SF1: variants seen among roughly 807,000 people sequenced by gnomAD.
SF1 encodes the protein splicing factor 1.
A neutral mutation model predicts 62.5 loss-of-function variants in SF1; 7 were observed. The observed-to-expected ratio is 0.11, with a 90% CI of 0.06 to 0.21. The LOEUF is 0.21. Among genes scored for constraint, SF1 ranks in the 10% least tolerant of loss-of-function variants. The pLI is 1.00. For missense variants in SF1, 578 were observed against 884.0 expected (o/e 0.65, Z 4.39); for synonymous variants, 394 against 323.6 (o/e 1.22, Z -2.33).
Position 64,778,522 on chromosome 11 carries a change from C to G in SF1, c.-130G>C. Reference sequence around the variant, plus strand: ...GGAGCCCGTCCTCTCACGCGGCGGGCGGCGGCGGCGCGAGACGCACAAAGA... The same window carrying G: ...GGAGCCCGTCCTCTCACGCGGCGGGGGGCGGCGGCGCGAGACGCACAAAGA... On this transcript the variant is annotated 5_prime_UTR_variant, in exon 1 of 13. Transcript: ENST00000377390. The G allele has an allele frequency of 8.8e-7, 1 of 1,136,048 alleles. No individual in the cohort carries two copies. The highest frequency in any genetic ancestry group is 4.3e-5 in the South Asian group (1 of 23,234). 70.4% of individuals were successfully genotyped at this position (1,136,048 alleles called of 1,614,324 possible). A position where few individuals can be genotyped will look rare whatever the true frequency, so the allele number is the denominator to read the frequency against.
intron 8 of SF1, 68 bp downstream of exon 8, chr11:64,768,954 T>C: frequency 9.9e-7 from 1 of 1,007,032 alleles, no homozygotes; most frequent in South Asian, 1.3e-5. Context: ...CAGCAACCAA[T>C]GAATGTGCCA....
chr11:64,765,875 C>G lies in SF1; in HGVS notation c.1863G>C (p.Ala621=), dbSNP rs748368326. The change falls in exon 13 of 13, where the codon GCG becomes GCC. Residue 621 remains alanine, a synonymous_variant. Transcript: ENST00000377390. ...NFVTMMGMGV[A]GMPPFGMPPA... ...GAGGCATCCCGAAGGGCGGCATGCC[C>G]GCCACCCCCATGCCCATCATGGTGA... The G allele has an allele frequency of 1.5e-5, 24 of 1,563,516 alleles. No individual in the cohort carries two copies. The South Asian group carries it at 2.8e-4, about 18-fold the overall frequency.
chr11:64,769,582 C>T lies in SF1; in HGVS notation c.507G>A (p.Lys169=). Residue 169 remains lysine (K), a synonymous_variant, in exon 6 of 13, where the codon AAG becomes AAA. Coordinates refer to ENST00000377390, the MANE Select transcript of SF1 (RefSeq NM_004630.4). The part of the protein sequence containing the change: ...PRGNTLKNIE[K]ECNAKIMIRG... ...GGATCATAATCTTGGCATTGCACTC[C>T]TTCTCTATGTTCTTCAGGGTGTTCC... 1.2e-6 allele frequency: 2 copies of T among 1,614,082 alleles called. No individual in the cohort carries two copies. The highest frequency in any genetic ancestry group is 1.1e-5 in the South Asian group (1 of 91,072).
intron 12 of SF1, 110 bp from the exon 13 acceptor site, chr11:64,766,265 G>A (rs916255247): frequency 6.7e-6 from 4 of 595,868 alleles, no homozygotes; most frequent in East Asian, 5.9e-5. Flanking sequence ...CTTGGCATGC[G>A]GTACGGTGGT....
chr11:64,766,268 A>C (rs975601893), intron 12 of SF1, 113 bp from the exon 13 acceptor site: 37 of 6,712 alleles, frequency 5.5e-3, no homozygotes, highest in African/African-American at 0.028. Flanking sequence ...GGCATGCGGT[A>C]CGGTGGTGGG....
In SF1 at chr11:64,765,437, C is replaced by T. The variant is rs1250475574; in HGVS notation, c.*381G>A. The T allele has an allele frequency of 3.1e-6, 5 of 1,589,554 alleles. No homozygotes were observed. The highest frequency in any genetic ancestry group is 1.7e-5 in the Admixed American group (1 of 59,942). ...CTGTCCACCAGGGGCGTTGCTGAGG[C>T]TGTCTGCCTGGAAGGGTCACCAATG... On this transcript the variant is annotated 3_prime_UTR_variant, in exon 13 of 13. Transcript: ENST00000377390.
At chr11:64,777,891 C>CCTGCCGCGTGCAGCCGCCGTCGCCG in intron 1 of SF1, 1 of 939,166 alleles carries the variant, frequency 1.1e-6, no homozygotes, top group South Asian at 4.8e-5. Context: ...CACGCGCGCC[C>CCTGCCGCGTGCAGCCGCCGTCGCCG]CTGCCGCGTG....
chr11:64,777,893 T>TGCCGCGTGCAGCCGCCGTCGCC, intron 1 of SF1: 1 of 935,026 alleles, frequency 1.1e-6, no homozygotes, highest in Non-Finnish European at 1.3e-6. Context: ...CGCGCGCCCC[T>TGCCGCGTGCAGCCGCCGTCGCC]GCCGCGTGCA....
Position 64,767,719 on chromosome 11 carries a change from T to A in SF1, c.1194A>T (p.Pro398=). The A allele has an allele frequency of 1.9e-6, 3 of 1,612,604 alleles. No individual in the cohort carries two copies. Among genetic ancestry groups the A allele is most frequent in the Non-Finnish European group, 1.7e-6 (2 of 1,179,384 alleles). ...GGPGGGPHSF[P]HPLPSLTGGH... ...CACCTGTCAGGCTGGGTAATGGGTG[T>A]GGGAAGCTGTGGGGGCCACCTCCGG... Residue 398 remains proline, a synonymous_variant, in exon 10 of 13, where the codon CCA becomes CCT. Transcript: ENST00000377390.
At chr11:64,768,428 G>T in intron 8 of SF1, 142 bp from the exon 9 acceptor site, 1 of 754,012 alleles carries the variant, frequency 1.3e-6, no homozygotes, top group Non-Finnish European at 2.2e-6. Flanking sequence ...CCCTTACTGG[G>T]CATGGCTCTC....
intron 1 of SF1, 91 bp from the exon 2 acceptor site, chr11:64,776,717 G>A (rs1326629105): frequency 1.6e-6 from 2 of 1,258,438 alleles, no homozygotes; most frequent in Non-Finnish European, 2.2e-6. Context: ...CAGAAACTCA[G>A]CAGACTGTGA....
chr11:64,777,867 CCTCCCCGTGCGCGCACGCG>C, intron 1 of SF1: 1 of 934,162 alleles, frequency 1.1e-6, no homozygotes, highest in Non-Finnish European at 1.3e-6. Context: ...TCCGCCCGGG[CCTCCCCGTGCGCGCACGCG>C]CGCCCCTGCC....
intron 6 of SF1, 31 bp downstream of exon 6, chr11:64,769,395 A>T: frequency 6.2e-7 from 1 of 1,613,598 alleles, no homozygotes; most frequent in Non-Finnish European, 8.5e-7. Flanking sequence ...GGTTTCTGCT[A>T]GGAGGCTTCC....
intron 4 of SF1, 41 bp downstream of exon 4, chr11:64,770,215 G>C (rs372347086): frequency 6.2e-7 from 1 of 1,603,760 alleles, no homozygotes; most frequent in African/African-American, 1.3e-5. Flanking sequence ...CCCATGATCT[G>C]CATGTGTCTT....
rs1356626711 is a variant in SF1 at position 64,773,524 on chromosome 11, G to A, written c.161-19C>T. The A allele has an allele frequency of 6.3e-6, 10 of 1,594,802 alleles. No homozygotes were observed. In the Admixed American group the frequency reaches 9.3e-5, roughly 15 times the overall value. On this transcript the variant is annotated intron_variant, in intron 2 of 12. Transcript: ENST00000377390. ...AGTTGCACTGGAAGAAACCAGGTTAGGAAAGAAAAAAAAGGATGGAAAAAA... is the reference window on the plus strand; with the variant it reads ...AGTTGCACTGGAAGAAACCAGGTTAAGAAAGAAAAAAAAGGATGGAAAAAA...
intron 2 of SF1, among the ~76,000 whole-genome samples, chr11:64,773,784 C>T (rs1938688129): frequency 6.6e-6 from 1 of 152,144 alleles, no homozygotes; most frequent in African/African-American, 2.4e-5. Flanking sequence ...AGGCTAACAT[C>T]CAAGCAATTA....
rs556772968 is a variant in SF1, at chr11:64,765,663, C to T, written c.*155G>A. ...GCCCGTTCCCAAGCGAATCCTCAGT[C>T]GCTTGGCCCAGCCCAGTGCGTGCAC... is the stretch of plus-strand genomic sequence containing the variant. On this transcript the variant is annotated 3_prime_UTR_variant, in exon 13 of 13. Coordinates refer to ENST00000377390, the MANE Select transcript of SF1 (RefSeq NM_004630.4). 493 of 1,481,932 alleles carry T rather than the reference C, an allele frequency of 3.3e-4. No individual in the cohort carries two copies. Among genetic ancestry groups the T allele is most frequent in the Non-Finnish European group, 4.1e-4 (458 of 1,122,440 alleles). 91.8% of individuals were successfully genotyped at this position (1,481,932 alleles called of 1,614,324 possible). A position where few individuals can be genotyped will look rare whatever the true frequency, so the allele number is the denominator to read the frequency against.
chr11:64,778,265 A>G (rs1249636444), intron 1 of SF1, 97 bp downstream of exon 1: 4 of 1,210,512 alleles, frequency 3.3e-6, no homozygotes, highest in Non-Finnish European at 4.1e-6. Context: ...CCCGGGAGCC[A>G]GCAGCCCCGC....
At chr11:64,777,075 C>T (rs1362608855) in intron 1 of SF1, among the ~76,000 whole-genome samples, 1 of 152,186 alleles carries the variant, frequency 6.6e-6, no homozygotes, top group Non-Finnish European at 1.5e-5. Context: ...GTACGAGAGG[C>T]CGGACCACAA....
Sources: gnomAD v4.1 joint callset for allele counts (sites outside exome capture counted in the v4.1 genomes callset) on GRCh38, gnomAD v4.1.1 for gene constraint, MANE v1.5 for transcripts, NCBI Gene and HGNC (gene_info 2026-07-23, HGNC 2026-07-21) for gene names.